Variants in GRM7 observed in about 807,000 individuals in gnomAD.
The protein encoded by GRM7 is metabotropic glutamate receptor 7.
Under a neutral mutation model 84.5 loss-of-function variants are expected in GRM7, and 35 were observed. That is an observed-to-expected ratio of 0.41 (90% CI 0.32 to 0.55). The LOEUF is 0.55. Among genes scored for constraint, GRM7 ranks in the 20% least tolerant of loss-of-function variants. The probability of loss-of-function intolerance (pLI) is 0.19; values close to 1 mark genes in which losing one functional copy is unlikely to be tolerated. For synonymous variants in GRM7, 487 were observed against 455.1 expected (o/e 1.07, Z -0.89); for missense variants, 1,003 against 1,194.6 (o/e 0.84, Z 2.36).
intron 8 of GRM7, among the ~76,000 whole-genome samples, chr3:7,581,958 C>T (rs954470851): frequency 2.6e-5 from 4 of 151,790 alleles, no homozygotes; most frequent in African/African-American, 9.7e-5. Flanking sequence ...CATTGTTAAT[C>T]CCATGACTTC....
chr3:7,041,079 CA>C (rs557674027), intron 1 of GRM7, among the ~76,000 whole-genome samples: 8,283 of 80,844 alleles, frequency 0.1, 565 homozygotes, highest in African/African-American at 0.26. Context: ...GACCCTGTCT[CA>C]AAAAAAAAAA....
chr3:6,994,772 C>T (rs1168331845), intron 1 of GRM7, among the ~76,000 whole-genome samples: 1 of 152,090 alleles, frequency 6.6e-6, no homozygotes, highest in Non-Finnish European at 1.5e-5. Context: ...ACCACCTGAC[C>T]ATATAGTAGG....
At chr3:7,709,225 T>C (rs1201838650) in intron 9 of GRM7, among the ~76,000 whole-genome samples, 1 of 152,144 alleles carries the variant, frequency 6.6e-6, no homozygotes, top group Non-Finnish European at 1.5e-5. Flanking sequence ...AAACAATGTA[T>C]AAACAAATAT....
chr3:7,394,043 T>G (rs1450321321), intron 4 of GRM7, among the ~76,000 whole-genome samples: 3 of 152,158 alleles, frequency 2.0e-5, no homozygotes, highest in Non-Finnish European at 4.4e-5. Context: ...AAATCCTTTT[T>G]AAGTCATTAT....
At position 6,954,010 on chromosome 3, in the gene GRM7, C is replaced by T. The variant is rs139577126; in HGVS notation, c.519+92103C>T. ...ATTTAAGTGCCCTCCTTGTGGATGG[C>T]GATAATATATTGAAAAAGTTAAGCT... On this transcript the variant is annotated intron_variant, in intron 1 of 9. Coordinates refer to ENST00000357716, the MANE Select transcript of GRM7 (RefSeq NM_000844.4). Among the ~76,000 whole-genome samples the T allele has an allele frequency of 9.3e-3, 1,417 of 151,736 alleles. 23 individuals are homozygous for T. The highest frequency in any genetic ancestry group is 0.032 in the African/African-American group (1,335 of 41,368).
At chr3:7,354,904 A>T (rs1164732987) in intron 4 of GRM7, among the ~76,000 whole-genome samples, 1 of 152,204 alleles carries the variant, frequency 6.6e-6, no homozygotes, top group Non-Finnish European at 1.5e-5. Context: ...TTACTGTCCT[A>T]CACAGGGGTA....
chr3:6,996,695 G>A (rs147849321), intron 1 of GRM7, among the ~76,000 whole-genome samples: 2 of 152,282 alleles, frequency 1.3e-5, no homozygotes, highest in East Asian at 1.9e-4. Context: ...TGTCACAAAA[G>A]CAAAGGGTAT....
chr3:7,033,132 C>A (rs1307410434), intron 1 of GRM7, among the ~76,000 whole-genome samples: 1 of 152,078 alleles, frequency 6.6e-6, no homozygotes, highest in Non-Finnish European at 1.5e-5. Flanking sequence ...GTAAATGCAT[C>A]GCTCCAATTT....
intron 2 of GRM7, among the ~76,000 whole-genome samples, chr3:7,191,340 T>C (rs1288751044): frequency 1.3e-5 from 2 of 152,064 alleles, no homozygotes; most frequent in Admixed American, 1.3e-4. Flanking sequence ...AACTCCCCTT[T>C]ATATCCAATG....
chr3:6,993,537 C>T (rs1694723138), intron 1 of GRM7, among the ~76,000 whole-genome samples: 1 of 151,984 alleles, frequency 6.6e-6, no homozygotes, highest in Non-Finnish European at 1.5e-5. Context: ...CATTAGATGC[C>T]CAGTTGGGTG....
chr3:7,284,310 GTGTATA>G (rs71063300), intron 2 of GRM7, among the ~76,000 whole-genome samples: 46,748 of 149,850 alleles, frequency 0.31, 8,563 homozygotes, highest in Admixed American at 0.47. Flanking sequence ...GTGTGTGTGT[GTGTATA>G]TACATGAGCT....
intron 2 of GRM7, among the ~76,000 whole-genome samples, chr3:7,267,873 T>C (rs1575102242): frequency 6.6e-6 from 1 of 152,104 alleles, no homozygotes; most frequent in Non-Finnish European, 1.5e-5. Flanking sequence ...AAGTTTCTAG[T>C]TTTAAGACAG....
chr3:7,466,969 G>A (rs1698484512), intron 7 of GRM7, among the ~76,000 whole-genome samples: 1 of 152,116 alleles, frequency 6.6e-6, no homozygotes, highest in Admixed American at 6.5e-5. Flanking sequence ...CACACAGCAG[G>A]CATTTGTTAT....
chr3:6,885,970 T>A (rs1226229716), intron 1 of GRM7, among the ~76,000 whole-genome samples: 1 of 152,336 alleles, frequency 6.6e-6, no homozygotes, highest in East Asian at 1.9e-4. Flanking sequence ...TACTGACATA[T>A]AATTGACAGT....
At chr3:7,074,795 A>G (rs1323515557) in intron 1 of GRM7, among the ~76,000 whole-genome samples, 2 of 152,192 alleles carry the variant, frequency 1.3e-5, no homozygotes, top group Non-Finnish European at 2.9e-5. Context: ...GATTTTTGGA[A>G]TGGTTTTAAT....
chr3:6,966,501 T>C (rs1415762425), intron 1 of GRM7, among the ~76,000 whole-genome samples: 2 of 152,210 alleles, frequency 1.3e-5, no homozygotes, highest in African/African-American at 4.8e-5. Context: ...GCAGAAACAG[T>C]GTTTACCAAA....
intron 2 of GRM7, among the ~76,000 whole-genome samples, chr3:7,157,984 A>G (rs536462816): frequency 1.3e-5 from 2 of 152,288 alleles, no homozygotes; most frequent in South Asian, 2.1e-4. Context: ...CTTGCCATGC[A>G]GTCTAATAAA....
intron 7 of GRM7, among the ~76,000 whole-genome samples, chr3:7,481,823 C>T (rs769930902): frequency 2.6e-5 from 4 of 152,154 alleles, no homozygotes; most frequent in Non-Finnish European, 5.9e-5. Context: ...TGCAAACTGT[C>T]CTGCTGTGCA....
intron 1 of GRM7, among the ~76,000 whole-genome samples, chr3:7,000,479 G>T (rs1009499264): frequency 6.6e-6 from 1 of 152,042 alleles, no homozygotes; most frequent in Non-Finnish European, 1.5e-5. Flanking sequence ...GAGCCACCTC[G>T]CCCGGGCGAG....
Sources: gnomAD v4.1 joint callset for allele counts (sites outside exome capture counted in the v4.1 genomes callset) on GRCh38, gnomAD v4.1.1 for gene constraint, MANE v1.5 for transcripts, NCBI Gene and HGNC (gene_info 2026-07-23, HGNC 2026-07-21) for gene names.